The following HERC1 variants were observed in gnomAD, a reference collection of about 807,000 sequenced individuals.
HERC1 encodes the protein HECT and RLD domain containing E3 ubiquitin protein ligase family member 1, also known as probable E3 ubiquitin-protein ligase HERC1.
Under a neutral mutation model 554.3 loss-of-function variants are expected in HERC1, and 160 were observed. The ratio of observed to expected loss-of-function variants is 0.29; its 90% CI spans 0.25 to 0.33. HERC1 has a LOEUF of 0.33. HERC1 is among the 10% of genes least tolerant of loss of function. The pLI, the probability that HERC1 is intolerant of heterozygous loss-of-function variation, is 1.00. For synonymous variants in HERC1, 2,175 were observed against 2,131.7 expected (o/e 1.02, Z -0.56); for missense variants, 4,919 against 5,918.5 (o/e 0.83, Z 5.54).
At chr15:63,742,766 T>G (rs1044285796) in intron 12 of HERC1, among the ~76,000 whole-genome samples, 1 of 152,224 alleles carries the variant, frequency 6.6e-6, no homozygotes, top group Admixed American at 6.5e-5. Context: ...GTGTATTATA[T>G]TGATTGATTT....
At chr15:63,688,986 C>A (rs1029136164) in intron 33 of HERC1, among the ~76,000 whole-genome samples, 1 of 152,108 alleles carries the variant, frequency 6.6e-6, no homozygotes, top group African/African-American at 2.4e-5. Flanking sequence ...ATGTTGGTCC[C>A]CTGCTTTAGG....
At chr15:63,619,064 C>G (rs372860281) in intron 74 of HERC1, among the ~76,000 whole-genome samples, 81 of 152,232 alleles carry the variant, frequency 5.3e-4, no homozygotes, top group Middle Eastern at 3.4e-3. Context: ...GGGCATCCCT[C>G]TCTTGTGCCA....
chr15:63,731,183 T>C (rs1336817462), intron 14 of HERC1, among the ~76,000 whole-genome samples: 5 of 152,214 alleles, frequency 3.3e-5, no homozygotes, highest in Non-Finnish European at 7.4e-5. Flanking sequence ...GATGTTTCTG[T>C]TATTTCCAAC....
intron 1 of HERC1, among the ~76,000 whole-genome samples, chr15:63,811,870 T>C (rs2077331111): frequency 6.7e-6 from 1 of 149,208 alleles, no homozygotes; most frequent in African/African-American, 2.5e-5. Context: ...AATGAAAGTA[T>C]ACATAGGAAT....
intron 26 of HERC1, among the ~76,000 whole-genome samples, chr15:63,698,400 G>A (rs113192897): frequency 0.098 from 13,825 of 140,782 alleles, 716 homozygotes; most frequent in Middle Eastern, 0.17. Context: ...CCTGGGCAAC[G>A]AGAGCGAAAC....
At position 63,775,596 on chromosome 15, in the gene HERC1, G is replaced by A; in HGVS notation, c.28C>T (p.Leu10=). 1 of 1,604,602 alleles carries A rather than the reference G, an allele frequency of 6.2e-7. No homozygotes were observed. Among genetic ancestry groups the A allele is most frequent in the South Asian group, 1.1e-5 (1 of 89,018 alleles). ...CTGTTCAAGTGTTCAAGCCATTTCA[G>A]CTTCACTGGTGGAATCATAGTTGCC... MATMIPPVK[L]KWLEHLNSSW... is the part of the protein sequence containing the mutation. Residue 10 remains leucine (L), a synonymous_variant, in exon 2 of 78, where the codon CTG becomes TTG. Transcript: ENST00000443617. The surrounding 1 kb of genome is among the most constrained non-coding windows in gnomAD (Gnocchi z 4.0).
chr15:63,624,355 A>C, intron 71 of HERC1, 28 bp from the exon 72 acceptor site: 3 of 1,556,568 alleles, frequency 1.9e-6, no homozygotes, highest in Non-Finnish European at 2.6e-6. Flanking sequence ...GTTATCAGAA[A>C]TGGTACAATC....
chr15:63,795,686 G>A lies in HERC1; in HGVS notation c.-26-20037C>T, dbSNP rs148665947. On this transcript the variant is annotated intron_variant, in intron 1 of 77. Transcript: ENST00000443617. Reference sequence around the variant, plus strand: ...CAAGGCCATTTTTATACTTTCTGCAGAAAGGGTATACTCGCCAGCAGTTCT... The same window carrying A: ...CAAGGCCATTTTTATACTTTCTGCAAAAAGGGTATACTCGCCAGCAGTTCT... 7.1e-3 allele frequency among the ~76,000 whole-genome samples: 1,075 copies of A among 152,274 alleles called. 13 individuals carry two copies. Among genetic ancestry groups the A allele is most frequent in the African/African-American group, 0.025 (1,034 of 41,538 alleles).
At chr15:63,623,328 G>A (rs910487592) in intron 73 of HERC1, among the ~76,000 whole-genome samples, 1 of 152,174 alleles carries the variant, frequency 6.6e-6, no homozygotes, top group Admixed American at 6.5e-5. Flanking sequence ...AGACCAGTTC[G>A]TAACTTTATT....
In HERC1 at chr15:63,712,796, T is replaced by C; in HGVS notation, c.4563A>G (p.Ser1521=). Residue 1521 remains serine (S), a synonymous_variant, in exon 24 of 78, where the codon TCA becomes TCG. Transcript: ENST00000443617. ...CTACCAGTGCGTAACCCTCTTCATCTGATTCAGGCTGAGACAAATCAGATT... is the reference window on the plus strand; with the variant it reads ...CTACCAGTGCGTAACCCTCTTCATCCGATTCAGGCTGAGACAAATCAGATT... ...RSESDLSQPE[S]DEEGYALSGR... is the part of the protein sequence containing the mutation. The C allele has an allele frequency of 1.2e-6, 2 of 1,613,896 alleles. No individual in the cohort carries two copies. Among genetic ancestry groups the C allele is most frequent in the South Asian group, 2.2e-5 (2 of 91,064 alleles).
At chr15:63,637,070 T>TG (rs2152825532) in intron 64 of HERC1, 2 of 455,914 alleles carry the variant, frequency 4.4e-6, no homozygotes, top group Non-Finnish European at 8.8e-6. Context: ...GCTTGTACAG[T>TG]GGTTTCTCCA....
chr15:63,746,870 G>C (rs542036526), intron 12 of HERC1, 48 bp downstream of exon 12: 3 of 1,487,122 alleles, frequency 2.0e-6, no homozygotes, highest in Admixed American at 2.0e-5. Flanking sequence ...TAAAATCTCA[G>C]AGAAAGACGT....
In HERC1 at chr15:63,694,324, G is replaced by C; in HGVS notation, c.5468C>G (p.Ala1823Gly). 2 of 1,612,952 alleles carry C rather than the reference G, an allele frequency of 1.2e-6. No individual in the cohort carries two copies. The highest frequency in any genetic ancestry group is 1.7e-6 in the Non-Finnish European group (2 of 1,179,360). The change falls in exon 29 of 78, where the codon GCC (alanine) becomes GGC (glycine). Residue 1823 changes from alanine to glycine, a missense_variant. Physicochemically the swap from Ala to Gly is moderately conservative, Grantham distance 60. Transcript: ENST00000443617. The surrounding 1 kb of genome is among the most constrained non-coding windows in gnomAD (Gnocchi z 4.3). ...VASTRLLQIL[A>G]ITTGTYADKL... ...CTACCATACTTACCCAGTAGTGATG[G>C]CTAGAATCTGGAGCAACCTTGTACT...
chr15:63,644,169 G>A (rs756040005), intron 57 of HERC1, among the ~76,000 whole-genome samples: 1 of 152,084 alleles, frequency 6.6e-6, no homozygotes, highest in Non-Finnish European at 1.5e-5. Flanking sequence ...CCATCCTTAA[G>A]CTCCTTCTTC....
intron 1 of HERC1, among the ~76,000 whole-genome samples, chr15:63,832,694 G>C (rs1391858976): frequency 6.6e-6 from 1 of 152,180 alleles, no homozygotes; most frequent in East Asian, 1.9e-4. Context: ...CAGTGAAAAA[G>C]ATAGTGATGG....
At chr15:63,788,947 A>C (rs1253724185) in intron 1 of HERC1, among the ~76,000 whole-genome samples, 1 of 152,056 alleles carries the variant, frequency 6.6e-6, no homozygotes, top group African/African-American at 2.4e-5. Flanking sequence ...CAGGAATATA[A>C]TGATGGCTCA....
chr15:63,787,936 T>G (rs2143874601), intron 1 of HERC1, among the ~76,000 whole-genome samples: 1 of 128,396 alleles, frequency 7.8e-6, no homozygotes, highest in Admixed American at 9.4e-5. Context: ...ACTCCAGTCT[T>G]GGCGACAGGG....
intron 14 of HERC1, among the ~76,000 whole-genome samples, chr15:63,731,583 A>G (rs2074294732): frequency 6.6e-6 from 1 of 152,210 alleles, no homozygotes; most frequent in South Asian, 2.1e-4. Context: ...TTAAATTTAC[A>G]TTTTTAAATC....
At chr15:63,782,119 T>C (rs1391192589) in intron 1 of HERC1, among the ~76,000 whole-genome samples, 1 of 152,244 alleles carries the variant, frequency 6.6e-6, no homozygotes, top group Non-Finnish European at 1.5e-5. Context: ...TGCACAAAGT[T>C]ATCCAGAATA....
Sources: gnomAD v4.1 joint callset for allele counts (sites outside exome capture counted in the v4.1 genomes callset) on GRCh38, gnomAD v4.1.1 for gene constraint, Gnocchi (gnomAD v3.1) non-coding constraint, MANE v1.5 for transcripts, NCBI Gene and HGNC (gene_info 2026-07-23, HGNC 2026-07-21) for gene names.